TNXB: variants seen among roughly 807,000 people sequenced by gnomAD.
The protein encoded by TNXB is tenascin-X.
TNXB carries 183 observed loss-of-function variants against 340.5 expected under a neutral mutation model. The observed-to-expected ratio is 0.54, with a 90% CI of 0.48 to 0.61. The LOEUF (loss-of-function observed/expected upper bound fraction) is 0.61, where lower values mean the gene tolerates loss of function less well. Among genes scored for constraint, TNXB ranks in the 20% least tolerant of loss-of-function variants. TNXB has a pLI of 0.00. For missense variants in TNXB, 4,613 were observed against 5,446.4 expected, an observed-to-expected ratio of 0.85 and a Z score of 4.82; for synonymous variants, 2,121 against 2,314.5, an observed-to-expected ratio of 0.92 and a Z score of 2.40.
At position 32,062,195 on chromosome 6, in the gene TNXB, C is replaced by T; in HGVS notation, c.7130G>A (p.Gly2377Asp). The change falls in exon 20 of 44, where the codon GGC becomes GAC. Residue 2377 changes from glycine to aspartate, a missense_variant. By Grantham distance (94) the Gly-to-Asp change is moderately conservative. Transcript: ENST00000644971. This position sits in a 1 kb window ranked among gnomAD's most constrained non-coding sequence, Gnocchi z 4.3. The stretch of plus-strand genomic sequence containing the variant: ...GGCAGACACGGGGCCCACACGCTGG[C>T]CACCGTGGAAGCCGTACAGGTTCAT... ...YKMNLYGFHG[G>D]QRVGPVSAIG... 6.2e-7 allele frequency: 1 copy of T among 1,612,344 alleles called. No homozygotes were observed. Among genetic ancestry groups the T allele is most frequent in the East Asian group, 2.2e-5 (1 of 44,854 alleles).
chr6:32,061,677 C>T lies in TNXB; in HGVS notation c.7212G>A (p.Glu2404=). 1 of 1,612,632 alleles carries T rather than the reference C, an allele frequency of 6.2e-7. No homozygotes were observed. Among genetic ancestry groups the T allele is most frequent in the South Asian group, 1.1e-5 (1 of 91,080 alleles). ...GCGGCTCCTCAGGGGGCTCCGGGGC[C>T]TCCATGCTGGGTTCTGTGGGGCTGG... ...ETPSPTEPSM[E]APEPPEEPLL... Residue 2404 remains glutamate (E), a synonymous_variant, in exon 21 of 44, where the codon GAG becomes GAA. Transcript: ENST00000644971. This position sits in a 1 kb window ranked among gnomAD's most constrained non-coding sequence, Gnocchi z 4.4.
chr6:32,097,932 TG>T lies in TNXB; in HGVS notation c.266del (p.Pro89GlnfsTer15). On this transcript the variant is annotated frameshift_variant, in exon 2 of 44. Coordinates refer to ENST00000644971, the MANE Select transcript of TNXB (RefSeq NM_001365276.2). LOFTEE classifies it high-confidence loss of function. The surrounding 1 kb of genome is among the most constrained non-coding windows in gnomAD (Gnocchi z 5.9). The part of the protein sequence containing the change: ...LPPSTGCGCP[P>X]GTEPPVLASE... ...AAGCAAGGACTGGGGGCTCGGTGCCTGGGGGACAGCCACAGCCAGTGGAAGG... is the reference window on the plus strand; with the variant it reads ...AAGCAAGGACTGGGGGCTCGGTGCCTGGGGACAGCCACAGCCAGTGGAAGG... The T allele has an allele frequency of 6.3e-7, 1 of 1,592,116 alleles. No homozygotes were observed. The highest frequency in any genetic ancestry group is 8.6e-7 in the Non-Finnish European group (1 of 1,166,332).
At position 32,085,780 on chromosome 6, in the gene TNXB, A is replaced by G. The variant is rs745613644; in HGVS notation, c.3118T>C (p.Ser1040Pro). The change falls in exon 7 of 44, where the codon TCT becomes CCT. Residue 1040 changes from serine (S) to proline (P), a missense_variant. Ser to Pro is a moderately conservative substitution (Grantham distance 74). Coordinates refer to ENST00000644971, the MANE Select transcript of TNXB (RefSeq NM_001365276.2). This position sits in a 1 kb window ranked among gnomAD's most constrained non-coding sequence, Gnocchi z 6.4. ...LHGVPPGGKP[S>P]DPIIYQGIMD... The stretch of plus-strand genomic sequence containing the variant: ...ATGCCTTGGTAGATGATGGGGTCAG[A>G]GGGCTTGCCCCCAGGAGGGACCCCA... 6.4e-7 allele frequency: 1 copy of G among 1,570,512 alleles called. No individual in the cohort carries two copies. The highest frequency in any genetic ancestry group is 8.6e-7 in the Non-Finnish European group (1 of 1,157,502).
chr6:32,057,262 A>T (rs1777722364), intron 22 of TNXB, among the ~76,000 whole-genome samples: 1 of 152,084 alleles, frequency 6.6e-6, no homozygotes, highest in East Asian at 1.9e-4. Flanking sequence ...GCTCCGCAAC[A>T]AGCTCAGCAC....
In TNXB at chr6:32,108,039, T is replaced by C. The variant is rs1781064455; in HGVS notation, c.-9+1142A>G. ...AGGATTTCCAGGCCCCAGCTGAAAA[T>C]GGTTAGGGGTGCAATGAGAGACAGG... On this transcript the variant is annotated intron_variant, in intron 1 of 43. Transcript: ENST00000644971. The surrounding 1 kb of genome is among the most constrained non-coding windows in gnomAD (Gnocchi z 4.8). Among the ~76,000 whole-genome samples, 1 of 151,506 alleles carries C rather than the reference T, an allele frequency of 6.6e-6. No homozygotes were observed. The highest frequency in any genetic ancestry group is 2.4e-5 in the African/African-American group (1 of 41,156).
rs1451346110 is a variant in TNXB, at chr6:32,061,062, G to C, written c.7492+335C>G. On this transcript the variant is annotated intron_variant, in intron 21 of 43. Transcript: ENST00000644971. The surrounding 1 kb of genome is among the most constrained non-coding windows in gnomAD (Gnocchi z 4.4). ...TTATTTAGTCATCCCAACGTGGTTTGACGTTGGATTGTTCCTCTTGTGTGC... is the reference window on the plus strand; with the variant it reads ...TTATTTAGTCATCCCAACGTGGTTTCACGTTGGATTGTTCCTCTTGTGTGC... Among the ~76,000 whole-genome samples the C allele has an allele frequency of 1.3e-5, 2 of 151,948 alleles. No individual in the cohort carries two copies. Among genetic ancestry groups the C allele is most frequent in the African/African-American group, 2.4e-5 (1 of 41,184 alleles).
Position 32,082,634 on chromosome 6 carries a change from G to A in TNXB, c.3446-308C>T, listed in dbSNP as rs1779539012. Among the ~76,000 whole-genome samples, 1 of 152,130 alleles carries A rather than the reference G, an allele frequency of 6.6e-6. No individual in the cohort carries two copies. The highest frequency in any genetic ancestry group is 2.4e-5 in the African/African-American group (1 of 41,398). On this transcript the variant is annotated intron_variant, in intron 8 of 43. Coordinates refer to ENST00000644971, the MANE Select transcript of TNXB (RefSeq NM_001365276.2). This position sits in a 1 kb window ranked among gnomAD's most constrained non-coding sequence, Gnocchi z 5.0. The stretch of plus-strand genomic sequence containing the variant: ...AGCAGCAGGGAGCTTCAGAAAGAGG[G>A]GAGCCCAGCCAGGCCCTTTCACATC...
chr6:32,064,806 C>T lies in TNXB; in HGVS notation c.6841+15G>A. ...CTAGTTCAGGGCAGGGCCCAGTGCC[C>T]TACTGCACACTCACCAGTTAAACCA... On this transcript the variant is annotated intron_variant, in intron 19 of 43. Coordinates refer to ENST00000644971, the MANE Select transcript of TNXB (RefSeq NM_001365276.2). The surrounding 1 kb of genome is among the most constrained non-coding windows in gnomAD (Gnocchi z 5.3). 6.2e-7 allele frequency: 1 copy of T among 1,607,130 alleles called. No individual in the cohort carries two copies. The highest frequency in any genetic ancestry group is 8.5e-7 in the Non-Finnish European group (1 of 1,177,754).
rs1382211926 is a variant in TNXB at position 32,042,996 on chromosome 6, G to A, written c.11880C>T (p.Pro3960=). The A allele has an allele frequency of 2.2e-5, 6 of 276,098 alleles. No individual in the cohort carries two copies. Among genetic ancestry groups the A allele is most frequent in the African/African-American group, 2.3e-4 (2 of 8,812 alleles). The allele number at this position is 276,098 out of a possible 1,614,324, so 17.1% of individuals were successfully genotyped here. The change falls in exon 38 of 44, where the codon CCC becomes CCT. Residue 3960 remains proline, a synonymous_variant. Coordinates refer to ENST00000644971, the MANE Select transcript of TNXB (RefSeq NM_001365276.2). ...TGTGGAAGCTGAGCAGGTAGCCTGC[G>A]GGCCGGACTGGGGGCTCAGTCCAAG... ...LLTWTEPPVR[P]AGYLLSFHTP...
In TNXB at chr6:32,080,952, G is replaced by T. The variant is rs1444511833; in HGVS notation, c.4042+416C>A. Among the ~76,000 whole-genome samples, 1 of 152,156 alleles carries T rather than the reference G, an allele frequency of 6.6e-6. No homozygotes were observed. Among genetic ancestry groups the T allele is most frequent in the African/African-American group, 2.4e-5 (1 of 41,430 alleles). On this transcript the variant is annotated intron_variant, in intron 10 of 43. Transcript: ENST00000644971. The surrounding 1 kb of genome is among the most constrained non-coding windows in gnomAD (Gnocchi z 4.3). ...GCCACCTCTGAACACAGCAGAAATG[G>T]CAGGAGGTTGTGGGCAGCAGGTGAC...
chr6:32,070,000 G>C lies in TNXB; in HGVS notation c.5278+127C>G, dbSNP rs1778662937. ...GGGCTGTGCTAGGGGCTTGTGCAGGGACGTGGGGAGCTGGATCTGAGCCGA... is the reference window on the plus strand; with the variant it reads ...GGGCTGTGCTAGGGGCTTGTGCAGGCACGTGGGGAGCTGGATCTGAGCCGA... On this transcript the variant is annotated intron_variant, in intron 14 of 43. Transcript: ENST00000644971. The surrounding 1 kb of genome is among the most constrained non-coding windows in gnomAD (Gnocchi z 6.2). 14 of 1,375,310 alleles carry C rather than the reference G, an allele frequency of 1.0e-5. No individual in the cohort carries two copies. The highest frequency in any genetic ancestry group is 1.3e-5 in the Non-Finnish European group (14 of 1,039,184). The allele number at this position is 1,375,310 out of a possible 1,614,324, so 85.2% of individuals were successfully genotyped here.
intron 29 of TNXB, 63 bp downstream of exon 29, chr6:32,048,300 T>C: frequency 6.9e-7 from 1 of 1,454,468 alleles, no homozygotes; most frequent in Admixed American, 2.4e-5. Flanking sequence ...GAACGTGAAA[T>C]TCCAACAGGT....
chr6:32,061,493 C>A lies in TNXB; in HGVS notation c.7396G>T (p.Val2466Leu). The A allele has an allele frequency of 6.2e-7, 1 of 1,613,570 alleles. No individual in the cohort carries two copies. The highest frequency in any genetic ancestry group is 1.1e-5 in the South Asian group (1 of 91,062). ...RVGGEESEVTVGGLEPGRKYK... is the reference protein window; with the variant it reads ...RVGGEESEVTLGGLEPGRKYK... ...TTGCGCCCAGGCTCCAGGCCCCCCACGGTGACCTCGCTCTCCTCGCCCCCA... is the reference window on the plus strand; with the variant it reads ...TTGCGCCCAGGCTCCAGGCCCCCCAAGGTGACCTCGCTCTCCTCGCCCCCA... The change falls in exon 21 of 44, where the codon GTG becomes TTG. Residue 2466 changes from valine to leucine, a missense_variant. By Grantham distance (32) the Val-to-Leu change is conservative. Coordinates refer to ENST00000644971, the MANE Select transcript of TNXB (RefSeq NM_001365276.2). The surrounding 1 kb of genome is among the most constrained non-coding windows in gnomAD (Gnocchi z 4.4).
chr6:32,088,248 A>C (rs1262656423), intron 6 of TNXB, among the ~76,000 whole-genome samples: 1 of 152,170 alleles, frequency 6.6e-6, no homozygotes, highest in East Asian at 1.9e-4. Flanking sequence ...GAAGGAGAGA[A>C]AGGGGAGTCG....
At position 32,078,125 on chromosome 6, in the gene TNXB, A is replaced by G. The variant is rs865992135; in HGVS notation, c.4375+908T>C. 4.8e-4 allele frequency among the ~76,000 whole-genome samples: 67 copies of G among 140,574 alleles called. No individual in the cohort carries two copies. In the South Asian group the frequency reaches 6.2e-3, roughly 13 times the overall value. The allele number at this position is 140,574 out of a possible 152,430, so 92.2% of individuals were successfully genotyped here. On this transcript the variant is annotated intron_variant, in intron 11 of 43. Coordinates refer to ENST00000644971, the MANE Select transcript of TNXB (RefSeq NM_001365276.2). ...AAAGAAAGAAAGAAAGAAAGAAAGA[A>G]AGAAAGAAAAAGAGAGAAAGAAGAA...
rs1016630556 is a variant in TNXB at position 32,046,408 on chromosome 6, G to T, written c.10373C>A (p.Ala3458Asp). 6.3e-7 allele frequency: 1 copy of T among 1,580,890 alleles called. No individual in the cohort carries two copies. The highest frequency in any genetic ancestry group is 1.1e-5 in the South Asian group (1 of 88,850). ...GCGCAGAGAGCTGGAGGTCTCCTCA[G>T]CCACGGTCAGTTCCCCCAGGTGGGG... ...LPPHLGELTV[A>D]EETSSSLRLS... Residue 3458 changes from alanine to aspartate, a missense_variant, in exon 31 of 44, where the codon GCT (alanine) becomes GAT (aspartate). Ala to Asp is a moderately radical substitution (Grantham distance 126). Coordinates refer to ENST00000644971, the MANE Select transcript of TNXB (RefSeq NM_001365276.2). The surrounding 1 kb of genome is among the most constrained non-coding windows in gnomAD (Gnocchi z 6.9).
At position 32,046,356 on chromosome 6, in the gene TNXB, G is replaced by T; in HGVS notation, c.10425C>A (p.Pro3475=). Residue 3475 remains proline, a synonymous_variant, in exon 31 of 44, where the codon CCC becomes CCA. Coordinates refer to ENST00000644971, the MANE Select transcript of TNXB (RefSeq NM_001365276.2). The surrounding 1 kb of genome is among the most constrained non-coding windows in gnomAD (Gnocchi z 6.9). ...TGTACTGGACCACGAAGGAGTCAAA[G>T]GGGCCCTGGGCTACCGTCCAGGACA... ...LRLSWTVAQG[P]FDSFVVQYRD... is the part of the protein sequence containing the mutation. 6.2e-7 allele frequency: 1 copy of T among 1,604,880 alleles called. No homozygotes were observed. The highest frequency in any genetic ancestry group is 8.5e-7 in the Non-Finnish European group (1 of 1,177,040).
rs370153313 is a variant in TNXB, at chr6:32,070,139, C to T, written c.5266G>A (p.Asp1756Asn). 1.1e-5 allele frequency: 18 copies of T among 1,577,280 alleles called. No homozygotes were observed. Among genetic ancestry groups the T allele is most frequent in the African/African-American group, 1.1e-4 (8 of 74,284 alleles). ...GAATGCCCCTCACCCGTGGTGCCGT[C>T]GGCAGTGAGAGGGCCATGGCGCTTC... is the stretch of plus-strand genomic sequence containing the variant. ...GKKRHGPLTADGTTEARSAMD... is the reference protein window; with the variant it reads ...GKKRHGPLTANGTTEARSAMD... Residue 1756 changes from aspartate to asparagine, a missense_variant, in exon 14 of 44, where the codon GAC becomes AAC. Physicochemically the swap from Asp to Asn is conservative, Grantham distance 23 (BLOSUM62 1). Around this residue, in one of 7 missense-constraint regions of TNXB, gnomAD observed 4,327 missense variants for 4,859.4 expected, o/e 0.89. Coordinates refer to ENST00000644971, the MANE Select transcript of TNXB (RefSeq NM_001365276.2). This position sits in a 1 kb window ranked among gnomAD's most constrained non-coding sequence, Gnocchi z 6.0.
At chr6:32,063,550 G>A (rs185119194) in intron 19 of TNXB, among the ~76,000 whole-genome samples, 22 of 152,334 alleles carry the variant, frequency 1.4e-4, no homozygotes, top group Non-Finnish European at 1.3e-4. Context: ...AGGGTAGAGA[G>A]ATGAGACCAC....
Sources: gnomAD v4.1 joint callset for allele counts (sites outside exome capture counted in the v4.1 genomes callset) on GRCh38, gnomAD v4.1.1 for gene constraint, gnomAD v4.1.1 regional missense constraint, Gnocchi (gnomAD v3.1) non-coding constraint, MANE v1.5 for transcripts, NCBI Gene and HGNC (gene_info 2026-07-23, HGNC 2026-07-21) for gene names.